Variants in SLC24A3 observed in about 807,000 individuals in gnomAD.
SLC24A3 encodes sodium/potassium/calcium exchanger 3.
A neutral mutation model predicts 75.8 loss-of-function variants in SLC24A3; 28 were observed. That is an observed-to-expected ratio of 0.37 (90% CI 0.27 to 0.51). The LOEUF (loss-of-function observed/expected upper bound fraction) is 0.51. SLC24A3 is among the 20% of genes least tolerant of loss of function. SLC24A3 has a pLI of 0.94. For synonymous variants in SLC24A3, 372 were observed against 334.1 expected (o/e 1.11, Z -1.24); for missense variants, 663 against 847.8 (o/e 0.78, Z 2.71).
At chr20:19,590,244 C>G (rs551964833) in intron 6 of SLC24A3, among the ~76,000 whole-genome samples, 21 of 152,176 alleles carry the variant, frequency 1.4e-4, no homozygotes, top group African/African-American at 4.6e-4. Context: ...CAGATGGCAT[C>G]TCCCACAGCT....
chr20:19,242,510 G>T (rs1600389585), intron 1 of SLC24A3: 1 of 152,166 alleles, frequency 6.6e-6, no homozygotes, highest in Non-Finnish European at 1.5e-5. Context: ...TCCACACGTG[G>T]CTGTAATCTG....
chr20:19,457,047 T>C (rs890734413), intron 2 of SLC24A3, among the ~76,000 whole-genome samples: 3 of 152,146 alleles, frequency 2.0e-5, no homozygotes, highest in African/African-American at 4.8e-5. Context: ...AGCTATCTGA[T>C]GCTATAAAAA....
At chr20:19,692,835 CGAAAACGTGGAAAACA>C (rs2032759523) in intron 12 of SLC24A3, among the ~76,000 whole-genome samples, 1 of 151,968 alleles carries the variant, frequency 6.6e-6, no homozygotes, top group Non-Finnish European at 1.5e-5. Flanking sequence ...TATTATCGGG[CGAAAACGTGGAAAACA>C]GAAGCCCACT....
At chr20:19,490,513 T>C (rs926068128) in intron 2 of SLC24A3, among the ~76,000 whole-genome samples, 15 of 152,204 alleles carry the variant, frequency 9.9e-5, no homozygotes, top group African/African-American at 3.6e-4. Flanking sequence ...ATAGCGGCTT[T>C]AGGTGCAGTG....
rs144588656 is a variant in SLC24A3 at position 19,674,817 on chromosome 20, C to T, written c.767+1163C>T. ...CCTGTAATCTCAGCACTTTGGGAGGCCAAGGTGAGTGGATCACTTGAAATC... is the reference window on the plus strand; with the variant it reads ...CCTGTAATCTCAGCACTTTGGGAGGTCAAGGTGAGTGGATCACTTGAAATC... On this transcript the variant is annotated intron_variant, in intron 9 of 16. Coordinates refer to ENST00000328041, the MANE Select transcript of SLC24A3 (RefSeq NM_020689.4). 3.8e-3 allele frequency among the ~76,000 whole-genome samples: 573 copies of T among 152,258 alleles called. 5 individuals carry two copies. The highest frequency in any genetic ancestry group is 0.013 in the African/African-American group (528 of 41,560).
intron 3 of SLC24A3, among the ~76,000 whole-genome samples, chr20:19,551,667 T>G (rs1254567481): frequency 6.6e-6 from 1 of 151,024 alleles, no homozygotes; most frequent in Non-Finnish European, 1.5e-5. Flanking sequence ...AGTGCCACCC[T>G]TTAGCCTGGG....
intron 2 of SLC24A3, among the ~76,000 whole-genome samples, chr20:19,412,375 G>A (rs1486962454): frequency 6.6e-6 from 1 of 152,120 alleles, no homozygotes; most frequent in African/African-American, 2.4e-5. Flanking sequence ...AGGTTCCCCT[G>A]TGAGCGAAAT....
intron 1 of SLC24A3, among the ~76,000 whole-genome samples, chr20:19,220,596 G>A (rs1406690597): frequency 6.6e-6 from 1 of 152,236 alleles, no homozygotes; most frequent in Non-Finnish European, 1.5e-5. Context: ...CATCTAGGTG[G>A]AATATAGAGC....
At chr20:19,384,175 G>T (rs1040712679) in intron 2 of SLC24A3, among the ~76,000 whole-genome samples, 5 of 152,038 alleles carry the variant, frequency 3.3e-5, no homozygotes, top group African/African-American at 1.2e-4. Context: ...TAGCATTTTT[G>T]TTTCATGTTA....
intron 2 of SLC24A3, among the ~76,000 whole-genome samples, chr20:19,499,570 A>G (rs1988353700): frequency 6.6e-6 from 1 of 152,142 alleles, no homozygotes; most frequent in African/African-American, 2.4e-5. Flanking sequence ...GCATACCACT[A>G]TGCCAAGCTA....
At chr20:19,483,918 C>T (rs146790395) in intron 2 of SLC24A3, among the ~76,000 whole-genome samples, 8 of 152,152 alleles carry the variant, frequency 5.3e-5, no homozygotes, top group South Asian at 2.1e-4. Context: ...TGGTGTTTAA[C>T]GGTTAGCTGG....
At chr20:19,340,476 A>C (rs1463290987) in intron 2 of SLC24A3, among the ~76,000 whole-genome samples, 3 of 152,208 alleles carry the variant, frequency 2.0e-5, no homozygotes, top group Non-Finnish European at 4.4e-5. Context: ...TAAGCCAATC[A>C]GTCTGTGGTA....
chr20:19,510,388 T>A (rs972870831), intron 2 of SLC24A3, among the ~76,000 whole-genome samples: 1 of 152,226 alleles, frequency 6.6e-6, no homozygotes, highest in Non-Finnish European at 1.5e-5. Flanking sequence ...CATGCCCCAC[T>A]GCTGTGTGCT....
At chr20:19,375,513 G>A (rs921920498) in intron 2 of SLC24A3, among the ~76,000 whole-genome samples, 8 of 152,166 alleles carry the variant, frequency 5.3e-5, no homozygotes, top group Admixed American at 6.5e-5. Context: ...CTGCTGGCCT[G>A]GGAAGACAGA....
chr20:19,393,889 A>AC (rs1986406147), intron 2 of SLC24A3, among the ~76,000 whole-genome samples: 1 of 152,222 alleles, frequency 6.6e-6, no homozygotes, highest in Admixed American at 6.5e-5. Flanking sequence ...ATCTTAAGGG[A>AC]CCCCAAATAG....
intron 2 of SLC24A3, among the ~76,000 whole-genome samples, chr20:19,427,028 T>C (rs1478428606): frequency 6.6e-6 from 1 of 152,146 alleles, no homozygotes; most frequent in Non-Finnish European, 1.5e-5. Context: ...GAAGAAGATA[T>C]GCATGTATGT....
At chr20:19,486,355 G>A (rs1988127344) in intron 2 of SLC24A3, among the ~76,000 whole-genome samples, 1 of 152,176 alleles carries the variant, frequency 6.6e-6, no homozygotes. Flanking sequence ...TGTCTTGATG[G>A]TAACAGTGGT....
chr20:19,601,900 C>T (rs532453301), intron 6 of SLC24A3, among the ~76,000 whole-genome samples: 3 of 152,290 alleles, frequency 2.0e-5, no homozygotes, highest in South Asian at 4.1e-4. Flanking sequence ...TGGCCAAGCA[C>T]GGTGGCTCAC....
In SLC24A3 at chr20:19,256,076, G is replaced by A. The variant is rs116987610; in HGVS notation, c.143-24883G>A. Among the ~76,000 whole-genome samples, 877 of 151,866 alleles carry A rather than the reference G, an allele frequency of 5.8e-3. 6 individuals carry two copies. Among genetic ancestry groups the A allele is most frequent in the Admixed American group, 6.1e-3 (93 of 15,234 alleles). On this transcript the variant is annotated intron_variant, in intron 1 of 16. Transcript: ENST00000328041. ...ATGGTGGTACTGCACTCCAGCCTGCGTGATCGAACGAGACCCTGTCTCTAA... is the reference window on the plus strand; with the variant it reads ...ATGGTGGTACTGCACTCCAGCCTGCATGATCGAACGAGACCCTGTCTCTAA...
Sources: allele counts gnomAD v4.1 joint callset (sites outside exome capture counted in the v4.1 genomes callset), GRCh38; gene constraint gnomAD v4.1.1; transcripts MANE v1.5; gene names NCBI Gene and HGNC (gene_info 2026-07-23, HGNC 2026-07-21).